ZNF25: variants seen among roughly 807,000 people sequenced by gnomAD.
ZNF25 encodes the protein zinc finger protein 25.
In ZNF25, 21 loss-of-function variants were observed where a neutral mutation model predicts 30.9. The observed-to-expected ratio is 0.68, with a 90% CI of 0.48 to 0.98. The LOEUF is 0.98. ZNF25 is among the 50% of genes least tolerant of loss of function. The pLI is 0.00. For missense variants in ZNF25, 501 were observed against 529.9 expected (o/e 0.95, Z 0.54); for synonymous variants, 169 against 181.3 (o/e 0.93, Z 0.55).
chr10:37,957,631 T>C (rs917579633), intron 2 of ZNF25, 85 bp from the exon 3 acceptor site: 1 of 1,422,208 alleles, frequency 7.0e-7, no homozygotes, highest in Admixed American at 2.2e-5. Context: ...GCTCTTAGTG[T>C]ACTAACTGCA....
intron 2 of ZNF25, among the ~76,000 whole-genome samples, chr10:37,968,567 G>A (rs1024555133): frequency 6.6e-6 from 1 of 151,946 alleles, no homozygotes; most frequent in Non-Finnish European, 1.5e-5. Context: ...TGTTGACCAG[G>A]CTGGTCTGAA....
At position 37,957,097 on chromosome 10, in the gene ZNF25, G is replaced by C; in HGVS notation, c.161C>G (p.Pro54Arg). 1 of 1,613,914 alleles carries C rather than the reference G, an allele frequency of 6.2e-7. No homozygotes were observed. The highest frequency in any genetic ancestry group is 1.6e-4 in the Middle Eastern group (1 of 6,062). ...LVSVGYHVNK[P>R]NAVFKLKQGK... Reference sequence around the variant, plus strand: ...TTGCTTCAACTTGAAGACTGCATTTGGCTTATTCACATGGTAACCTATGAA... The same window carrying C: ...TTGCTTCAACTTGAAGACTGCATTTCGCTTATTCACATGGTAACCTATGAA... Residue 54 changes from proline to arginine, a missense_variant, in exon 4 of 6, where the codon CCA (proline) becomes CGA (arginine). Pro to Arg is a moderately radical substitution (Grantham distance 103). Coordinates refer to ENST00000302609, the MANE Select transcript of ZNF25 (RefSeq NM_145011.4).
At chr10:37,962,241 C>CAAAA (rs34341090) in intron 2 of ZNF25, among the ~76,000 whole-genome samples, 1 of 86,454 alleles carries the variant, frequency 1.2e-5, no homozygotes. Flanking sequence ...ACTTCCATCT[C>CAAAA]AAAAAAAAAA....
At chr10:37,956,918 A>G in intron 4 of ZNF25, 102 bp downstream of exon 4, 1 of 735,300 alleles carries the variant, frequency 1.4e-6, no homozygotes, top group Non-Finnish European at 2.1e-6. Context: ...TCTGTTTCAA[A>G]AAAAAAAAAA....
At chr10:37,959,911 GT>G (rs1221143415) in intron 2 of ZNF25, among the ~76,000 whole-genome samples, 1 of 149,690 alleles carries the variant, frequency 6.7e-6, no homozygotes, top group Non-Finnish European at 1.5e-5. Context: ...TGCCCAACCG[GT>G]TTTTTTGTTG....
Position 37,975,044 on chromosome 10 carries a change from C to G in ZNF25, c.-86+1462G>C, listed in dbSNP as rs180753872. On this transcript the variant is annotated intron_variant, in intron 1 of 5. Coordinates refer to ENST00000302609, the MANE Select transcript of ZNF25 (RefSeq NM_145011.4). ...CAAATATCATGTTCTCACTCATACG[C>G]AGGAGCTAAGATAGTTGATCTCATG... Among the ~76,000 whole-genome samples, 147 of 152,172 alleles carry G rather than the reference C, an allele frequency of 9.7e-4. 3 individuals are homozygous for G. The highest frequency in any genetic ancestry group is 9.4e-3 in the Admixed American group (143 of 15,278).
At chr10:37,961,926 A>C (rs1386820837) in intron 2 of ZNF25, among the ~76,000 whole-genome samples, 1 of 147,966 alleles carries the variant, frequency 6.8e-6, no homozygotes, top group Non-Finnish European at 1.5e-5. Context: ...CCATCTCAAA[A>C]AAAAAAAAAA....
chr10:37,950,252 G>A lies in ZNF25; in HGVS notation c.*1875C>T, dbSNP rs1421283877. ...GACAGCCACAGGTCAAACATAAATA[G>A]GTGTTTTTTGTTTGTATTCATGTTT... On this transcript the variant is annotated 3_prime_UTR_variant, in exon 6 of 6. Transcript: ENST00000302609. The A allele has an allele frequency of 6.6e-6, 1 of 152,474 alleles. No homozygotes were observed. Among genetic ancestry groups the A allele is most frequent in the East Asian group, 1.9e-4 (1 of 5,192 alleles). 9.4% of individuals were successfully genotyped at this position (152,474 alleles called of 1,614,324 possible). A position where few individuals can be genotyped will look rare whatever the true frequency, so the allele number is the denominator to read the frequency against.
At chr10:37,973,541 C>T (rs1213451494) in intron 1 of ZNF25, among the ~76,000 whole-genome samples, 2 of 150,034 alleles carry the variant, frequency 1.3e-5, no homozygotes, top group Non-Finnish European at 3.0e-5. Context: ...ATCGCTTGAC[C>T]CTGGGAGACA....
chr10:37,962,922 G>C (rs2062968375), intron 2 of ZNF25, among the ~76,000 whole-genome samples: 1 of 152,000 alleles, frequency 6.6e-6, no homozygotes, highest in Non-Finnish European at 1.5e-5. Context: ...TGAATCTGTA[G>C]TTAAAAACCT....
intron 2 of ZNF25, among the ~76,000 whole-genome samples, chr10:37,958,863 C>T (rs2062690328): frequency 6.6e-6 from 1 of 152,124 alleles, no homozygotes; most frequent in Admixed American, 6.5e-5. Flanking sequence ...GCCTGGCCAA[C>T]ACGGCAAATC....
intron 2 of ZNF25, among the ~76,000 whole-genome samples, chr10:37,968,291 C>T (rs920511765): frequency 2.6e-5 from 4 of 151,814 alleles, no homozygotes; most frequent in Admixed American, 2.0e-4. Flanking sequence ...CTCCTGACCT[C>T]GTGATCCGCC....
rs368297072 is a variant in ZNF25 at position 37,957,566 on chromosome 10, T to C, written c.16-20A>G. On this transcript the variant is annotated intron_variant, in intron 2 of 5. Transcript: ENST00000302609. ...GGGTCCCTGGAATAACATACTTCAG[T>C]TCAATTTGAAGTAACCAGAATAGAT... The C allele has an allele frequency of 2.2e-5, 35 of 1,608,436 alleles. No individual in the cohort carries two copies. In the African/African-American group the frequency reaches 4.7e-4, roughly 22 times the overall value.
intron 2 of ZNF25, among the ~76,000 whole-genome samples, chr10:37,969,319 A>G (rs2063357363): frequency 6.6e-6 from 1 of 152,206 alleles, no homozygotes; most frequent in Non-Finnish European, 1.5e-5. Flanking sequence ...CTTACAGATG[A>G]ATTTGCATAA....
intron 2 of ZNF25, among the ~76,000 whole-genome samples, chr10:37,962,273 G>A (rs1218673608): frequency 6.6e-6 from 1 of 150,658 alleles, no homozygotes; most frequent in Non-Finnish European, 1.5e-5. Context: ...GGATATATAA[G>A]AATAAGAACT....
At chr10:37,975,929 C>A (rs2063781506) in intron 1 of ZNF25, among the ~76,000 whole-genome samples, 1 of 152,162 alleles carries the variant, frequency 6.6e-6, no homozygotes, top group Non-Finnish European at 1.5e-5. Flanking sequence ...CCTGCTAATA[C>A]TGTGGGTAAA....
chr10:37,971,584 T>C, intron 2 of ZNF25, 124 bp downstream of exon 2: 1 of 1,492,580 alleles, frequency 6.7e-7, no homozygotes, highest in Non-Finnish European at 9.1e-7. Context: ...TAACTATTTC[T>C]ACGTTTCTAA....
chr10:37,962,144 A>G (rs968306719), intron 2 of ZNF25, among the ~76,000 whole-genome samples: 3 of 151,210 alleles, frequency 2.0e-5, no homozygotes, highest in Middle Eastern at 6.8e-3. Context: ...CAGGAGGCTG[A>G]GGCAGAGAAT....
chr10:37,961,449 A>C (rs1467637118), intron 2 of ZNF25, among the ~76,000 whole-genome samples: 1 of 152,236 alleles, frequency 6.6e-6, no homozygotes, highest in East Asian at 1.9e-4. Context: ...CAAAGGATAA[A>C]GGTTTTGAAC....
Sources: gnomAD v4.1 joint callset for allele counts (sites outside exome capture counted in the v4.1 genomes callset) on GRCh38, gnomAD v4.1.1 for gene constraint, MANE v1.5 for transcripts, NCBI Gene and HGNC (gene_info 2026-07-23, HGNC 2026-07-21) for gene names.